Variants in RANBP2 observed in about 807,000 individuals in gnomAD.
The protein encoded by RANBP2 is E3 SUMO-protein ligase RanBP2.
In RANBP2, 57 loss-of-function variants were observed where a neutral mutation model predicts 303.6. The ratio of observed to expected loss-of-function variants is 0.19; its 90% CI spans 0.15 to 0.23. The LOEUF (loss-of-function observed/expected upper bound fraction) is 0.23. Ranked by LOEUF, RANBP2 falls within the 10% of genes least tolerant of loss-of-function variation. The pLI is 1.00. For missense variants in RANBP2, 3,138 were observed against 3,780.8 expected (o/e 0.83, Z 4.46); for synonymous variants, 1,167 against 1,301.5 (o/e 0.90, Z 2.23).
Position 108,773,054 on chromosome 2 carries a change from C to T in RANBP2, c.8292+8C>T, listed in dbSNP as rs753695366. ...AAAGTTCAGGAAGCTCAAGTAAGAACATCTCTAATAAATTTTCCTTCTAGT... is the reference window on the plus strand; with the variant it reads ...AAAGTTCAGGAAGCTCAAGTAAGAATATCTCTAATAAATTTTCCTTCTAGT... On this transcript the variant is annotated splice_region_variant and intron_variant, in intron 23 of 28. Coordinates refer to ENST00000283195, the MANE Select transcript of RANBP2 (RefSeq NM_006267.5). 2.5e-6 allele frequency: 4 copies of T among 1,604,682 alleles called. No homozygotes were observed. The highest frequency in any genetic ancestry group is 3.4e-6 in the Non-Finnish European group (4 of 1,174,138).
the RANBP2 span, among the ~76,000 whole-genome samples, chr2:109,495,954 T>A: frequency 9.2e-5 from 14 of 152,326 alleles, 1 homozygote; most frequent in East Asian, 1.3e-3. Context: ...CCAGAGTTGG[T>A]TCCTGGTGGG....
the RANBP2 span, among the ~76,000 whole-genome samples, chr2:109,477,568 G>A: frequency 4.6e-5 from 7 of 152,148 alleles, no homozygotes; most frequent in South Asian, 2.1e-4. Flanking sequence ...GGGTCACAGC[G>A]CCTGTTGTAG....
At chr2:109,678,193 A>G in the RANBP2 span, among the ~76,000 whole-genome samples, 1 of 152,274 alleles carries the variant, frequency 6.6e-6, no homozygotes, top group Non-Finnish European at 1.5e-5. Context: ...AAAGCAGGAA[A>G]GATCTTTCTG....
the RANBP2 span, among the ~76,000 whole-genome samples, chr2:109,217,803 G>A: frequency 4.1e-3 from 622 of 152,334 alleles, 3 homozygotes; most frequent in Admixed American, 6.3e-3. Flanking sequence ...CCTGGCTGTG[G>A]TGCTGGGCAG....
the RANBP2 span, among the ~76,000 whole-genome samples, chr2:108,893,564 C>T: frequency 1.3e-5 from 2 of 151,242 alleles, no homozygotes; most frequent in East Asian, 3.9e-4. Flanking sequence ...TGGAAGTTGT[C>T]AGAATTATAA....
At chr2:109,400,573 GCGCA>G in the RANBP2 span, among the ~76,000 whole-genome samples, 5 of 144,324 alleles carry the variant, frequency 3.5e-5, no homozygotes, top group African/African-American at 1.1e-4. Flanking sequence ...ACACACCTGT[GCGCA>G]CACACACACA....
chr2:109,111,480 A>ATCTG, the RANBP2 span, among the ~76,000 whole-genome samples: 1 of 150,590 alleles, frequency 6.6e-6, no homozygotes, highest in South Asian at 2.1e-4. Flanking sequence ...TCTGAACTCT[A>ATCTG]TACTCTGCCA....
the RANBP2 span, among the ~76,000 whole-genome samples, chr2:109,287,969 T>C: frequency 6.6e-6 from 1 of 152,230 alleles, no homozygotes; most frequent in African/African-American, 2.4e-5. Context: ...AAGGTTCAAG[T>C]TCTTATTTGA....
At chr2:108,740,843 T>C (rs1164029746) in intron 7 of RANBP2, among the ~76,000 whole-genome samples, 162 bp downstream of exon 7, 3 of 150,542 alleles carry the variant, frequency 2.0e-5, no homozygotes. Context: ...GCATACACAA[T>C]ACTGGTGAGG....
intron 7 of RANBP2, among the ~76,000 whole-genome samples, chr2:108,744,900 T>G (rs2912850): frequency 6.6e-6 from 1 of 152,358 alleles, no homozygotes; most frequent in Admixed American, 6.5e-5. Flanking sequence ...AGTAAACACA[T>G]ATATATCTCC....
chr2:109,153,757 T>C, the RANBP2 span, among the ~76,000 whole-genome samples: 1 of 152,246 alleles, frequency 6.6e-6, no homozygotes, highest in Non-Finnish European at 1.5e-5. Context: ...TGGTGCATTT[T>C]GGCTAAAGCC....
chr2:109,365,162 C>G, the RANBP2 span, among the ~76,000 whole-genome samples: 1 of 152,208 alleles, frequency 6.6e-6, no homozygotes, highest in Non-Finnish European at 1.5e-5. Flanking sequence ...GCATGTTTCA[C>G]AGTGGTTCCT....
the RANBP2 span, among the ~76,000 whole-genome samples, chr2:109,369,762 C>T: frequency 6.6e-6 from 1 of 152,198 alleles, no homozygotes; most frequent in Non-Finnish European, 1.5e-5. Flanking sequence ...AATGCTGCCT[C>T]AACTCGGATG....
intron 8 of RANBP2, 112 bp downstream of exon 8, chr2:108,746,910 C>T (rs1696561810): frequency 1.1e-6 from 1 of 947,792 alleles, no homozygotes; most frequent in South Asian, 1.8e-5. Flanking sequence ...AAAATTATTT[C>T]TTTTTGCCGT....
the RANBP2 span, among the ~76,000 whole-genome samples, chr2:109,118,025 G>A: frequency 6.6e-6 from 1 of 152,134 alleles, no homozygotes; most frequent in Non-Finnish European, 1.5e-5. Flanking sequence ...CTGGTGCTCA[G>A]TTAACATGGA....
chr2:109,663,887 G>A, the RANBP2 span, among the ~76,000 whole-genome samples: 1 of 152,304 alleles, frequency 6.6e-6, no homozygotes, highest in Non-Finnish European at 1.5e-5. Context: ...TTGGCTTTGA[G>A]TGAAAAGCTC....
At chr2:109,347,099 A>G in the RANBP2 span, among the ~76,000 whole-genome samples, 158 of 152,296 alleles carry the variant, frequency 1.0e-3, no homozygotes, top group African/African-American at 3.6e-3. Context: ...GCTCAGCTTC[A>G]ACCCCTGGAG....
At chr2:108,930,930 G>T in the RANBP2 span, 1 of 1,611,876 alleles carries the variant, frequency 6.2e-7, no homozygotes, top group Admixed American at 1.7e-5. Flanking sequence ...TGAGGATGAG[G>T]GTGCTGTGGG....
the RANBP2 span, among the ~76,000 whole-genome samples, chr2:109,540,667 A>G: frequency 1.3e-5 from 2 of 151,900 alleles, no homozygotes; most frequent in Non-Finnish European, 2.9e-5. Flanking sequence ...AAAAGGAAAA[A>G]AAAAAAAAAA....
Sources: gnomAD v4.1 joint callset for allele counts (sites outside exome capture counted in the v4.1 genomes callset) on GRCh38, gnomAD v4.1.1 for gene constraint, MANE v1.5 for transcripts, NCBI Gene and HGNC (gene_info 2026-07-23, HGNC 2026-07-21) for gene names.